CDH12: variants seen among roughly 807,000 people sequenced by gnomAD.
CDH12 encodes the protein cadherin-12.
Under a neutral mutation model 74.1 loss-of-function variants are expected in CDH12, and 41 were observed. The observed-to-expected ratio is 0.55, with a 90% confidence interval of 0.43 to 0.72. CDH12 has a LOEUF of 0.72. CDH12 is among the 30% of genes least tolerant of loss of function. The pLI, the probability that CDH12 is intolerant of heterozygous loss-of-function variation, is 0.00. For synonymous variants in CDH12, 399 were observed against 355.0 expected (o/e 1.12, Z -1.39); for missense variants, 945 against 977.2 (o/e 0.97, Z 0.44).
At chr5:21,838,360 G>T (rs150495282) in intron 8 of CDH12, among the ~76,000 whole-genome samples, 3,051 of 152,252 alleles carry the variant, frequency 0.02, 65 homozygotes, top group African/African-American at 0.057. Flanking sequence ...AGGAGTTTGA[G>T]ACCAGCCTGA....
At chr5:22,493,883 G>A (rs944651546) in intron 2 of CDH12, among the ~76,000 whole-genome samples, 2 of 152,124 alleles carry the variant, frequency 1.3e-5, no homozygotes, top group Non-Finnish European at 2.9e-5. Context: ...AATAAACAAT[G>A]TGATGGGATG....
intron 3 of CDH12, among the ~76,000 whole-genome samples, chr5:22,237,798 T>C (rs1173479328): frequency 6.6e-6 from 1 of 152,214 alleles, no homozygotes; most frequent in Non-Finnish European, 1.5e-5. Context: ...AGCCATATGC[T>C]GAGCGTACCA....
At chr5:21,806,590 G>T (rs573334752) in intron 9 of CDH12, among the ~76,000 whole-genome samples, 10 of 152,172 alleles carry the variant, frequency 6.6e-5, no homozygotes, top group African/African-American at 2.4e-4. Flanking sequence ...GGGAAATTGG[G>T]TCTTCATTCT....
intron 2 of CDH12, among the ~76,000 whole-genome samples, chr5:22,443,749 A>G (rs1744713437): frequency 1.3e-5 from 2 of 152,166 alleles, no homozygotes; most frequent in South Asian, 4.1e-4. Context: ...ATTACAAAGT[A>G]AGGGGTATAA....
rs867926904 is a variant in CDH12 at position 22,045,648 on chromosome 5, G to T, written c.231+32798C>A. Among the ~76,000 whole-genome samples the T allele has an allele frequency of 2.0e-5, 3 of 147,514 alleles. No individual in the cohort carries two copies. In the Middle Eastern group the frequency reaches 0.011, roughly 527 times the overall value. Reference sequence around the variant, plus strand: ...AAATCTTGTCTTTTGGGACAATATAGATAAAGTTGGAGGGCATTATGTTAG... The same window carrying T: ...AAATCTTGTCTTTTGGGACAATATATATAAAGTTGGAGGGCATTATGTTAG... On this transcript the variant is annotated intron_variant, in intron 5 of 14. Coordinates refer to ENST00000382254, the MANE Select transcript of CDH12 (RefSeq NM_004061.5).
intron 2 of CDH12, among the ~76,000 whole-genome samples, chr5:22,475,156 C>T (rs904605407): frequency 6.6e-6 from 1 of 151,388 alleles, no homozygotes; most frequent in East Asian, 1.9e-4. Flanking sequence ...AGACCCTCAT[C>T]CTTGAATCTC....
In CDH12 at chr5:22,170,996, T is replaced by C. The variant is rs146028713; in HGVS notation, c.-187+41502A>G. ...TAGATATATGCTTAAAAATAGGTGC[T>C]GTCAGAGGTCCACAAATACTTGGGT... On this transcript the variant is annotated intron_variant, in intron 4 of 14. Coordinates refer to ENST00000382254, the MANE Select transcript of CDH12 (RefSeq NM_004061.5). 6.4e-3 allele frequency among the ~76,000 whole-genome samples: 974 copies of C among 151,998 alleles called. 9 individuals carry two copies. The highest frequency in any genetic ancestry group is 0.022 in the African/African-American group (898 of 41,528).
At chr5:22,175,616 A>T (rs1749287915) in intron 4 of CDH12, among the ~76,000 whole-genome samples, 1 of 152,156 alleles carries the variant, frequency 6.6e-6, no homozygotes, top group Non-Finnish European at 1.5e-5. Context: ...AAAATAAAAT[A>T]ATGCAGCTAA....
intron 1 of CDH12, among the ~76,000 whole-genome samples, chr5:22,720,529 C>T (rs1296229789): frequency 1.3e-5 from 2 of 151,962 alleles, no homozygotes; most frequent in Non-Finnish European, 2.9e-5. Flanking sequence ...ATAAAGATAA[C>T]CTGAAATGTG....
At chr5:22,472,876 C>T (rs1746022419) in intron 2 of CDH12, among the ~76,000 whole-genome samples, 1 of 152,086 alleles carries the variant, frequency 6.6e-6, no homozygotes, top group African/African-American at 2.4e-5. Flanking sequence ...CAGGGACATC[C>T]TTTTAAAATG....
At chr5:21,924,318 C>A (rs1754490531) in intron 6 of CDH12, among the ~76,000 whole-genome samples, 1 of 152,036 alleles carries the variant, frequency 6.6e-6, no homozygotes, top group South Asian at 2.1e-4. Context: ...GAGTTTGAGA[C>A]CAGCTTGGCC....
intron 6 of CDH12, among the ~76,000 whole-genome samples, chr5:21,887,870 G>A (rs1435637354): frequency 6.6e-6 from 1 of 151,772 alleles, no homozygotes; most frequent in African/African-American, 2.4e-5. Flanking sequence ...TTTGAGCAGT[G>A]CCAGGAGTAG....
chr5:22,344,843 C>A (rs906976656), intron 3 of CDH12, among the ~76,000 whole-genome samples: 5 of 152,118 alleles, frequency 3.3e-5, no homozygotes, highest in Admixed American at 6.5e-5. Flanking sequence ...TAATATGGTA[C>A]CTCATCTCAT....
chr5:22,131,922 C>A (rs1302491598), intron 4 of CDH12, among the ~76,000 whole-genome samples: 2 of 152,072 alleles, frequency 1.3e-5, no homozygotes, highest in Non-Finnish European at 2.9e-5. Flanking sequence ...CTTTTTCTTA[C>A]ACAGCAGTGG....
chr5:22,804,407 G>C (rs918380216), intron 1 of CDH12, among the ~76,000 whole-genome samples: 2 of 152,032 alleles, frequency 1.3e-5, no homozygotes, highest in Non-Finnish European at 2.9e-5. Context: ...GGATGGGGGG[G>C]AGATTTTATG....
chr5:22,513,470 C>A (rs1331553351), intron 1 of CDH12, among the ~76,000 whole-genome samples: 1 of 152,134 alleles, frequency 6.6e-6, no homozygotes, highest in South Asian at 2.1e-4. Context: ...ATGAAATGAG[C>A]ATCATACTCA....
chr5:22,684,607 C>T (rs1184899759), intron 1 of CDH12, among the ~76,000 whole-genome samples: 4 of 152,088 alleles, frequency 2.6e-5, no homozygotes, highest in African/African-American at 4.8e-5. Context: ...TTTTCAAACG[C>T]GTAGGAGAAT....
intron 1 of CDH12, among the ~76,000 whole-genome samples, chr5:22,609,796 C>T (rs928041005): frequency 2.0e-5 from 3 of 152,180 alleles, no homozygotes; most frequent in Admixed American, 6.5e-5. Context: ...CTACTCAATG[C>T]TGTCTGTTTG....
intron 1 of CDH12, among the ~76,000 whole-genome samples, chr5:22,560,491 G>GT (rs895990829): frequency 4.6e-5 from 7 of 151,942 alleles, no homozygotes; most frequent in African/African-American, 1.2e-4. Flanking sequence ...AATTGGAACA[G>GT]TTTTCTCCTA....
Sources: gnomAD v4.1 joint callset for allele counts (sites outside exome capture counted in the v4.1 genomes callset) on GRCh38, gnomAD v4.1.1 for gene constraint, MANE v1.5 for transcripts, NCBI Gene and HGNC (gene_info 2026-07-23, HGNC 2026-07-21) for gene names.